The following PRKCA variants were observed in gnomAD, a reference collection of about 807,000 sequenced individuals.
PRKCA encodes protein kinase C alpha type.
PRKCA carries 27 observed loss-of-function variants against 87.0 expected under a neutral mutation model. The observed-to-expected ratio is 0.31, with a 90% CI of 0.23 to 0.43. PRKCA has a LOEUF of 0.43. Among genes scored for constraint, PRKCA ranks in the 20% least tolerant of loss-of-function variants. The probability of loss-of-function intolerance (pLI) is 1.00; values close to 1 mark genes in which losing one functional copy is unlikely to be tolerated. For synonymous variants in PRKCA, 329 were observed against 311.1 expected, an observed-to-expected ratio of 1.06 and a Z score of -0.61; for missense variants, 518 against 852.3, an observed-to-expected ratio of 0.61 and a Z score of 4.88.
rs529714675 is a variant in PRKCA, at chr17:66,406,585, G to GATTTTTTTTTTTTTTTT, written c.206-89616_206-89615insATTTTTTTTTTTTTTTT. Among the ~76,000 whole-genome samples, 2 of 70,180 alleles carry GATTTTTTTTTTTTTTTT rather than the reference G, an allele frequency of 2.8e-5. 1 individual carries two copies. The highest frequency in any genetic ancestry group is 9.2e-5 in the African/African-American group (2 of 21,686). 46.0% of individuals were successfully genotyped at this position (70,180 alleles called of 152,430 possible). A position where few individuals can be genotyped will look rare whatever the true frequency, so the allele number is the denominator to read the frequency against. ...TCATGTAGCATTGTAGCTTTTCCAG[G>GATTTTTTTTTTTTTTTT]TTTTTTTTTTTTTTTTTTTTTTTTA... On this transcript the variant is annotated intron_variant, in intron 2 of 16. Coordinates refer to ENST00000413366, the MANE Select transcript of PRKCA (RefSeq NM_002737.3).
At chr17:66,717,701 C>T (rs1027132598) in intron 8 of PRKCA, among the ~76,000 whole-genome samples, 4 of 152,252 alleles carry the variant, frequency 2.6e-5, no homozygotes, top group African/African-American at 9.6e-5. Context: ...CCTCCACCAG[C>T]ACTGCCACGA....
In PRKCA at chr17:66,573,882, C is replaced by T. The variant is rs149932615; in HGVS notation, c.289-67473C>T. ...GTGCATGCCTGTAGTCCCAGCTCCT[C>T]GGGAGGCTGAGACTGGAGGATCACT... On this transcript the variant is annotated intron_variant, in intron 3 of 16. Coordinates refer to ENST00000413366, the MANE Select transcript of PRKCA (RefSeq NM_002737.3). 1.5e-3 allele frequency among the ~76,000 whole-genome samples: 235 copies of T among 152,264 alleles called. 4 individuals are homozygous for T. The East Asian group carries it at 0.022, about 14-fold the overall frequency.
At chr17:66,729,760 C>T (rs979192155) in intron 8 of PRKCA, among the ~76,000 whole-genome samples, 1 of 150,992 alleles carries the variant, frequency 6.6e-6, no homozygotes, top group Non-Finnish European at 1.5e-5. Flanking sequence ...GAGACTTGAT[C>T]CCTGTATGAG....
chr17:66,693,823 T>C lies in PRKCA; in HGVS notation c.918+4776T>C, dbSNP rs951790489. 4.6e-5 allele frequency among the ~76,000 whole-genome samples: 7 copies of C among 152,330 alleles called. 1 individual carries two copies. Among genetic ancestry groups the C allele is most frequent in the Admixed American group, 3.9e-4 (6 of 15,300 alleles). On this transcript the variant is annotated intron_variant, in intron 8 of 16. Coordinates refer to ENST00000413366, the MANE Select transcript of PRKCA (RefSeq NM_002737.3). Reference sequence around the variant, plus strand: ...CACAAATACATAAACAAATGAGTGTTGGTGTATTCCAATAACACGTTACTT... The same window carrying C: ...CACAAATACATAAACAAATGAGTGTCGGTGTATTCCAATAACACGTTACTT...
At position 66,430,461 on chromosome 17, in the gene PRKCA, GGGTTCGT is replaced by G. The variant is rs370476324; in HGVS notation, c.206-65736_206-65730del. Among the ~76,000 whole-genome samples, 1,143 of 151,964 alleles carry G rather than the reference GGGTTCGT, an allele frequency of 7.5e-3. 8 individuals are homozygous for G. Among genetic ancestry groups the G allele is most frequent in the Middle Eastern group, 0.02 (6 of 294 alleles). Reference sequence around the variant, plus strand: ...CTCCCTGTAGTCAAAACCTGTGCTTGGGTTCGTGGTAAGCCATCTGAGGCATCTGCTG... The same window carrying G: ...CTCCCTGTAGTCAAAACCTGTGCTTGGGTAAGCCATCTGAGGCATCTGCTG... On this transcript the variant is annotated intron_variant, in intron 2 of 16. Transcript: ENST00000413366.
At chr17:66,545,472 A>G (rs369244627) in intron 3 of PRKCA, among the ~76,000 whole-genome samples, 35 of 152,180 alleles carry the variant, frequency 2.3e-4, no homozygotes, top group Non-Finnish European at 4.1e-4. Flanking sequence ...ACTTTACTTT[A>G]AAAAATGTTT....
intron 2 of PRKCA, among the ~76,000 whole-genome samples, chr17:66,386,051 C>T (rs535314656): frequency 5.9e-5 from 9 of 152,332 alleles, no homozygotes; most frequent in South Asian, 2.1e-4. Flanking sequence ...AGAGCCACCG[C>T]GCCCAGCCAG....
chr17:66,509,263 C>G (rs753869018), intron 3 of PRKCA, among the ~76,000 whole-genome samples: 3 of 151,750 alleles, frequency 2.0e-5, no homozygotes, highest in Non-Finnish European at 4.4e-5. Context: ...GCCGGCAAGT[C>G]CCAAGATTTG....
At chr17:66,592,012 A>G (rs1254775312) in intron 3 of PRKCA, among the ~76,000 whole-genome samples, 1 of 152,044 alleles carries the variant, frequency 6.6e-6, no homozygotes, top group Non-Finnish European at 1.5e-5. Flanking sequence ...ATTTTAATGG[A>G]TAGGATCAAC....
intron 3 of PRKCA, among the ~76,000 whole-genome samples, chr17:66,521,841 C>T (rs1293035723): frequency 6.6e-6 from 1 of 152,098 alleles, no homozygotes; most frequent in Non-Finnish European, 1.5e-5. Flanking sequence ...TTTCTTGACT[C>T]CTTGAAAGGC....
rs1207764902 is a variant in PRKCA at position 66,688,494 on chromosome 17, G to C, written c.821+58G>C. The C allele has an allele frequency of 1.8e-5, 29 of 1,599,812 alleles. No homozygotes were observed. The East Asian group carries it at 5.2e-4, about 28-fold the overall frequency. On this transcript the variant is annotated intron_variant, in intron 7 of 16. Transcript: ENST00000413366. ...AAGCATCAGACCATTTAGACAGTTA[G>C]GTTTCAGTCTCTCAAATGTCAGTTG... is the stretch of plus-strand genomic sequence containing the variant.
At chr17:66,700,903 T>A (rs1269113374) in intron 8 of PRKCA, among the ~76,000 whole-genome samples, 1 of 152,158 alleles carries the variant, frequency 6.6e-6, no homozygotes, top group East Asian at 1.9e-4. Context: ...GTAATCCTTA[T>A]CAAAATGCCA....
At position 66,550,440 on chromosome 17, in the gene PRKCA, C is replaced by G. The variant is rs1037546552; in HGVS notation, c.288+54157C>G. On this transcript the variant is annotated intron_variant, in intron 3 of 16. Coordinates refer to ENST00000413366, the MANE Select transcript of PRKCA (RefSeq NM_002737.3). Reference sequence around the variant, plus strand: ...CCGAGGCAGGTAGATCACCTGAGTTCAGGAGCTCAAGACCAGCCTGGCCAA... The same window carrying G: ...CCGAGGCAGGTAGATCACCTGAGTTGAGGAGCTCAAGACCAGCCTGGCCAA... 1.2e-3 allele frequency among the ~76,000 whole-genome samples: 179 copies of G among 152,244 alleles called. 4 individuals carry two copies. Among genetic ancestry groups the G allele is most frequent in the Admixed American group, 9.6e-3 (147 of 15,292 alleles).
At chr17:66,529,967 T>A (rs1185649156) in intron 3 of PRKCA, among the ~76,000 whole-genome samples, 1 of 152,204 alleles carries the variant, frequency 6.6e-6, no homozygotes, top group Non-Finnish European at 1.5e-5. Context: ...ATCTGCGACA[T>A]GCAATAAGGA....
rs537803092 is a variant in PRKCA, at chr17:66,584,515, C to T, written c.289-56840C>T. Among the ~76,000 whole-genome samples the T allele has an allele frequency of 1.1e-4, 16 of 152,248 alleles. 1 individual carries two copies. The highest frequency in any genetic ancestry group is 5.2e-4 in the Admixed American group (8 of 15,292). On this transcript the variant is annotated intron_variant, in intron 3 of 16. Transcript: ENST00000413366. ...TGCTGGGATTACAGGCATGAGCCAC[C>T]GTGCCCGGCCAATCTGGTAGTTTTA...
intron 2 of PRKCA, among the ~76,000 whole-genome samples, chr17:66,475,794 A>G (rs1384215161): frequency 6.6e-6 from 1 of 152,214 alleles, no homozygotes; most frequent in Admixed American, 6.5e-5. Flanking sequence ...GCCATCACAC[A>G]TAATTGTGGA....
At chr17:66,602,839 G>C (rs369002526) in intron 3 of PRKCA, among the ~76,000 whole-genome samples, 1 of 152,112 alleles carries the variant, frequency 6.6e-6, no homozygotes, top group East Asian at 1.9e-4. Flanking sequence ...GTGCGCTGTG[G>C]GGGAGCCATG....
chr17:66,629,598 G>T (rs1328770735), intron 3 of PRKCA, among the ~76,000 whole-genome samples: 1 of 152,208 alleles, frequency 6.6e-6, no homozygotes, highest in Non-Finnish European at 1.5e-5. Context: ...TAATTTAGAT[G>T]CTTCTTGTAT....
At chr17:66,554,540 G>C (rs1310480142) in intron 3 of PRKCA, 4 of 965,160 alleles carry the variant, frequency 4.1e-6, no homozygotes, top group Non-Finnish European at 4.9e-6. Flanking sequence ...TGTATTGCTA[G>C]TCTGCCTCTA....
Sources: allele counts gnomAD v4.1 joint callset (sites outside exome capture counted in the v4.1 genomes callset), GRCh38; gene constraint gnomAD v4.1.1; transcripts MANE v1.5; gene names NCBI Gene and HGNC (gene_info 2026-07-23, HGNC 2026-07-21).